The following RBFOX1 variants were observed in gnomAD, a reference collection of about 807,000 sequenced individuals.
RBFOX1 encodes RNA binding fox-1 homolog 1, also known as RNA binding protein fox-1 homolog 1.
RBFOX1 carries 8 observed loss-of-function variants against 57.7 expected under a neutral mutation model. That is an observed-to-expected ratio of 0.14 (90% CI 0.08 to 0.25). The LOEUF is 0.25. Among genes scored for constraint, RBFOX1 ranks in the 10% least tolerant of loss-of-function variants. RBFOX1 has a pLI of 1.00. For synonymous variants in RBFOX1, 326 were observed against 222.4 expected (o/e 1.47, Z -4.15); for missense variants, 611 against 548.5 (o/e 1.11, Z -1.14).
At chr16:6,877,209 A>G (rs2062008710) in intron 3 of RBFOX1, among the ~76,000 whole-genome samples, 1 of 152,212 alleles carries the variant, frequency 6.6e-6, no homozygotes, top group Non-Finnish European at 1.5e-5. Context: ...AGTGCATTTA[A>G]CATTTTTAAT....
intron 1 of RBFOX1, among the ~76,000 whole-genome samples, chr16:5,430,752 T>A (rs2067707582): frequency 6.6e-6 from 1 of 152,248 alleles, no homozygotes; most frequent in African/African-American, 2.4e-5. Context: ...CTCATTGTAG[T>A]AATATAAGTA....
intron 3 of RBFOX1, among the ~76,000 whole-genome samples, chr16:7,004,731 A>G (rs1250555418): frequency 1.3e-5 from 2 of 152,220 alleles, no homozygotes; most frequent in East Asian, 3.8e-4. Flanking sequence ...CTGGTATTCA[A>G]GAAAGGAGAA....
chr16:5,731,367 T>G (rs2052367678), intron 3 of RBFOX1, among the ~76,000 whole-genome samples: 1 of 152,224 alleles, frequency 6.6e-6, no homozygotes, highest in Non-Finnish European at 1.5e-5. Flanking sequence ...CAATTCATAT[T>G]TACAAAGTAC....
At chr16:7,609,495 A>G (rs140554448) in intron 10 of RBFOX1, among the ~76,000 whole-genome samples, 90 of 152,310 alleles carry the variant, frequency 5.9e-4, no homozygotes, top group Middle Eastern at 3.4e-3. Flanking sequence ...AGAACATTAG[A>G]GCAGCTATTC....
chr16:6,047,902 C>T (rs2095512241), intron 1 of RBFOX1, among the ~76,000 whole-genome samples: 3 of 152,032 alleles, frequency 2.0e-5, no homozygotes, highest in Non-Finnish European at 4.4e-5. Flanking sequence ...TTTCACAGAC[C>T]GTAAAGCTTG....
intron 2 of RBFOX1, among the ~76,000 whole-genome samples, chr16:5,482,431 A>C (rs80035867): frequency 0.011 from 1,716 of 152,286 alleles, 12 homozygotes; most frequent in Non-Finnish European, 0.018. Context: ...GCAAATGGCG[A>C]GGTGCAAATT....
intron 2 of RBFOX1, among the ~76,000 whole-genome samples, chr16:6,366,509 C>T (rs1388753319): frequency 6.6e-6 from 1 of 152,154 alleles, no homozygotes; most frequent in Non-Finnish European, 1.5e-5. Flanking sequence ...GATTCGTTGT[C>T]TGAGGCTCAA....
At chr16:5,251,034 T>C (rs962583902) in intron 1 of RBFOX1, among the ~76,000 whole-genome samples, 1 of 152,152 alleles carries the variant, frequency 6.6e-6, no homozygotes, top group African/African-American at 2.4e-5. Context: ...CGACCGCCCC[T>C]CTTTCTTTTA....
intron 3 of RBFOX1, among the ~76,000 whole-genome samples, chr16:6,871,298 G>C (rs1257338113): frequency 6.6e-6 from 1 of 152,124 alleles, no homozygotes; most frequent in East Asian, 1.9e-4. Context: ...TGATTTTCCT[G>C]CATCAACTTC....
At chr16:6,361,698 AC>A in intron 2 of RBFOX1, among the ~76,000 whole-genome samples, 1 of 152,108 alleles carries the variant, frequency 6.6e-6, no homozygotes, top group Non-Finnish European at 1.5e-5. Flanking sequence ...GGAGAGCTTT[AC>A]AAACCCCCTA....
intron 4 of RBFOX1, among the ~76,000 whole-genome samples, chr16:7,406,852 C>A (rs2098349916): frequency 6.6e-6 from 1 of 152,154 alleles, no homozygotes; most frequent in South Asian, 2.1e-4. Context: ...AAGTCCATTT[C>A]CTTGCATTTT....
At chr16:6,469,385 T>A (rs2153077800) in intron 2 of RBFOX1, among the ~76,000 whole-genome samples, 1 of 152,284 alleles carries the variant, frequency 6.6e-6, no homozygotes, top group Admixed American at 6.5e-5. Flanking sequence ...CCCTATCATT[T>A]CTTTAAGAGA....
At chr16:7,664,870 G>A in intron 12 of RBFOX1, 59 bp from the exon 13 acceptor site, 5 of 1,613,760 alleles carry the variant, frequency 3.1e-6, no homozygotes, top group South Asian at 1.1e-5. Flanking sequence ...AGGGGTTGGT[G>A]TGTCTGCATG....
intron 2 of RBFOX1, among the ~76,000 whole-genome samples, chr16:6,361,060 AG>A (rs2152868142): frequency 6.6e-6 from 1 of 152,252 alleles, no homozygotes; most frequent in South Asian, 2.1e-4. Flanking sequence ...TTTGTCTAAA[AG>A]TTTAATCTTG....
rs142083776 is a variant in RBFOX1 at position 5,630,560 on chromosome 16, G to T, written c.318+31599G>T. 5.3e-5 allele frequency among the ~76,000 whole-genome samples: 8 copies of T among 152,286 alleles called. No individual in the cohort carries two copies. The East Asian group carries it at 1.5e-3, about 29-fold the overall frequency. ...TCTTCAATCTCTGCCTGCAGGCCAC[G>T]TCAGGACCTTCAGAGCACTGGCGGG... On this transcript the variant is annotated intron_variant, in intron 3 of 19. Coordinates refer to the RBFOX1 transcript ENST00000641259.
At position 5,387,428 on chromosome 16, in the gene RBFOX1, A is replaced by G. The variant is rs150935818; in HGVS notation, c.220-79788A>G. Among the ~76,000 whole-genome samples, 10 of 152,290 alleles carry G rather than the reference A, an allele frequency of 6.6e-5. No homozygotes were observed. The East Asian group carries it at 1.9e-3, about 29-fold the overall frequency. ...ATCACAGACCTAGGCACCTTTGGCAATTCATTCTGTTATGCCTTTGAGGGA... is the reference window on the plus strand; with the variant it reads ...ATCACAGACCTAGGCACCTTTGGCAGTTCATTCTGTTATGCCTTTGAGGGA... On this transcript the variant is annotated intron_variant, in intron 1 of 2. Transcript: ENST00000585867.
chr16:6,096,518 T>A (rs145039693), intron 1 of RBFOX1, among the ~76,000 whole-genome samples: 1 of 152,308 alleles, frequency 6.6e-6, no homozygotes, highest in Non-Finnish European at 1.5e-5. Flanking sequence ...GATTTTGGAA[T>A]TCCTGGCTGA....
chr16:6,726,924 C>CAGG (rs1208047361), intron 3 of RBFOX1, among the ~76,000 whole-genome samples: 1 of 151,974 alleles, frequency 6.6e-6, no homozygotes, highest in Non-Finnish European at 1.5e-5. Context: ...AGGACACTTT[C>CAGG]AGGACACAAT....
chr16:6,153,389 T>G (rs1194766836), intron 1 of RBFOX1, among the ~76,000 whole-genome samples: 1 of 152,216 alleles, frequency 6.6e-6, no homozygotes, highest in Non-Finnish European at 1.5e-5. Flanking sequence ...GAATTCTTTT[T>G]TAAATATGGA....
Sources: gnomAD v4.1 joint callset for allele counts (sites outside exome capture counted in the v4.1 genomes callset) on GRCh38, gnomAD v4.1.1 for gene constraint, MANE v1.5 for transcripts, NCBI Gene and HGNC (gene_info 2026-07-23, HGNC 2026-07-21) for gene names.